Variants in FBXO42 observed in about 807,000 individuals in gnomAD.
The protein encoded by FBXO42 is F-box only protein 42.
A neutral mutation model predicts 71.7 loss-of-function variants in FBXO42; 12 were observed. The observed-to-expected ratio is 0.17, with a 90% CI of 0.11 to 0.27. FBXO42 has a LOEUF of 0.27. Among genes scored for constraint, FBXO42 ranks in the 10% least tolerant of loss-of-function variants. FBXO42 has a pLI of 1.00. For synonymous variants in FBXO42, 325 were observed against 327.5 expected (o/e 0.99, Z 0.08); for missense variants, 707 against 911.9 (o/e 0.78, Z 2.89).
chr1:16,256,050 A>G (rs1237414771), intron 5 of FBXO42, among the ~76,000 whole-genome samples: 1 of 152,192 alleles, frequency 6.6e-6, no homozygotes, highest in Non-Finnish European at 1.5e-5. Flanking sequence ...GAGATGAGAA[A>G]ACGATGACAA....
At chr1:16,263,605 C>T (rs1393840216) in intron 4 of FBXO42, among the ~76,000 whole-genome samples, 1 of 151,588 alleles carries the variant, frequency 6.6e-6, no homozygotes, top group Admixed American at 6.6e-5. Flanking sequence ...CACCTGTAAT[C>T]CCAGCTTCTT....
intron 4 of FBXO42, among the ~76,000 whole-genome samples, chr1:16,267,683 G>T (rs1028112025): frequency 6.6e-6 from 1 of 152,098 alleles, no homozygotes; most frequent in Non-Finnish European, 1.5e-5. Context: ...ATTGTAAAAA[G>T]GCCAGAAAAG....
In FBXO42 at chr1:16,294,839, T is replaced by C. The variant is rs765620567; in HGVS notation, c.446A>G (p.Asn149Ser). The C allele has an allele frequency of 4.3e-6, 7 of 1,614,136 alleles. No individual in the cohort carries two copies. Among genetic ancestry groups the C allele is most frequent in the South Asian group, 1.1e-5 (1 of 91,078 alleles). The change falls in exon 4 of 10, where the codon AAT becomes AGT. Residue 149 changes from asparagine to serine, a missense_variant. Asn to Ser is a conservative substitution (Grantham distance 46). Around this residue, in one of 5 missense-constraint regions of FBXO42, gnomAD observed 188 missense variants for 230.5 expected, o/e 0.82. Transcript: ENST00000375592. ...GTTTAGGTCAAGTCTCCAGAGGTCATTGAAAGCAGCATTGCAGCTGCTCTG... is the reference window on the plus strand; with the variant it reads ...GTTTAGGTCAAGTCTCCAGAGGTCACTGAAAGCAGCATTGCAGCTGCTCTG... ...CTQSSCNAAFNDLWRLDLNSK... is the reference protein window; with the variant it reads ...CTQSSCNAAFSDLWRLDLNSK...
At chr1:16,348,564 TG>T (rs1266901876) in intron 1 of FBXO42, among the ~76,000 whole-genome samples, 1 of 151,320 alleles carries the variant, frequency 6.6e-6, no homozygotes, top group Non-Finnish European at 1.5e-5. Context: ...TAGCCGGGCG[TG>T]GGGCGGGTGC....
chr1:16,304,051 C>T lies in FBXO42; in HGVS notation c.367+1752G>A, dbSNP rs192374184. The stretch of plus-strand genomic sequence containing the variant: ...AACTCCTGACCTCAGGTGATCCGCC[C>T]GCCTTGGCCTCCCAAAGTGCTGGGA... On this transcript the variant is annotated intron_variant, in intron 3 of 9. Coordinates refer to ENST00000375592, the MANE Select transcript of FBXO42 (RefSeq NM_018994.3). Among the ~76,000 whole-genome samples, 132 of 151,192 alleles carry T rather than the reference C, an allele frequency of 8.7e-4. 2 individuals are homozygous for T. In the South Asian group the frequency reaches 0.013, roughly 15 times the overall value.
intron 1 of FBXO42, among the ~76,000 whole-genome samples, chr1:16,351,395 T>C (rs1160855281): frequency 6.6e-6 from 1 of 152,214 alleles, no homozygotes; most frequent in African/African-American, 2.4e-5. Context: ...ACTGGTAATG[T>C]GTCAGAATCT....
intron 1 of FBXO42, among the ~76,000 whole-genome samples, chr1:16,337,261 G>A (rs1351585644): frequency 1.3e-5 from 2 of 152,094 alleles, no homozygotes; most frequent in African/African-American, 2.4e-5. Flanking sequence ...GATGATGCCA[G>A]CACTGCCAGT....
At chr1:16,294,005 C>T (rs911987908) in intron 4 of FBXO42, 7 of 152,012 alleles carry the variant, frequency 4.6e-5, no homozygotes, top group Admixed American at 1.3e-4. Flanking sequence ...AGGAACTTGC[C>T]CAATGGAAAC....
At chr1:16,343,067 T>C (rs192658747) in intron 1 of FBXO42, among the ~76,000 whole-genome samples, 1 of 152,124 alleles carries the variant, frequency 6.6e-6, no homozygotes, top group Non-Finnish European at 1.5e-5. Context: ...ATAAATTACT[T>C]AATCTCAGGT....
intron 4 of FBXO42, among the ~76,000 whole-genome samples, chr1:16,287,617 G>A (rs1049627792): frequency 6.6e-6 from 1 of 152,122 alleles, no homozygotes; most frequent in Non-Finnish European, 1.5e-5. Flanking sequence ...TGTAGAGATG[G>A]GCTCTTGCTA....
intron 1 of FBXO42, among the ~76,000 whole-genome samples, chr1:16,315,636 G>A (rs1234435506): frequency 6.6e-6 from 1 of 152,088 alleles, no homozygotes; most frequent in Non-Finnish European, 1.5e-5. Context: ...AAAGGCTTTT[G>A]ATTACATTTT....
At chr1:16,350,178 A>G (rs1195799468) in intron 1 of FBXO42, among the ~76,000 whole-genome samples, 2 of 152,166 alleles carry the variant, frequency 1.3e-5, no homozygotes, top group Non-Finnish European at 2.9e-5. Flanking sequence ...GCAAAGGTCA[A>G]AATCTGGAGA....
chr1:16,260,874 CT>C (rs1476436925), intron 4 of FBXO42, among the ~76,000 whole-genome samples: 2 of 151,586 alleles, frequency 1.3e-5, no homozygotes, highest in East Asian at 1.9e-4. Flanking sequence ...TAATTTTTTT[CT>C]TTTTTTGGGT....
Position 16,250,842 on chromosome 1 carries a change from T to C in FBXO42, c.1982A>G (p.Lys661Arg). Reference sequence around the variant, plus strand: ...AGAACTGCTATTAAATACTTTCCATTTGACCCGCCCCTTCTCCTTGGTGTC... The same window carrying C: ...AGAACTGCTATTAAATACTTTCCATCTGACCCGCCCCTTCTCCTTGGTGTC... ...IKDTKEKGRV[K>R]WKVFNSSSVV... The change falls in exon 10 of 10, where the codon AAA becomes AGA. Residue 661 changes from lysine to arginine, a missense_variant. Around this residue, in one of 5 missense-constraint regions of FBXO42, gnomAD observed 482 missense variants for 587.1 expected, o/e 0.82. Transcript: ENST00000375592. The surrounding 1 kb of genome is among the most constrained non-coding windows in gnomAD (Gnocchi z 4.7). The C allele has an allele frequency of 6.2e-7, 1 of 1,614,180 alleles. No homozygotes were observed. Among genetic ancestry groups the C allele is most frequent in the Non-Finnish European group, 8.5e-7 (1 of 1,180,042 alleles).
In FBXO42 at chr1:16,251,180, T is replaced by C; in HGVS notation, c.1644A>G (p.Ala548=). The change falls in exon 10 of 10, where the codon GCA becomes GCG. Residue 548 remains alanine, a synonymous_variant. Transcript: ENST00000375592. This position sits in a 1 kb window ranked among gnomAD's most constrained non-coding sequence, Gnocchi z 4.5. ...HTPPHVASAL[A]GAVSPGALRR... ...GCAGGGCACCTGGGGAGACGGCCCCTGCAAGGGCACTGGCCACGTGAGGTG... is the reference window on the plus strand; with the variant it reads ...GCAGGGCACCTGGGGAGACGGCCCCCGCAAGGGCACTGGCCACGTGAGGTG... 1 of 1,614,186 alleles carries C rather than the reference T, an allele frequency of 6.2e-7. No individual in the cohort carries two copies. The highest frequency in any genetic ancestry group is 8.5e-7 in the Non-Finnish European group (1 of 1,180,040).
At chr1:16,341,911 C>T (rs182632290) in intron 1 of FBXO42, among the ~76,000 whole-genome samples, 3 of 146,434 alleles carry the variant, frequency 2.0e-5, no homozygotes, top group Non-Finnish European at 3.0e-5. Context: ...GCGGAGGTCG[C>T]GATGAGCCAA....
intron 4 of FBXO42, among the ~76,000 whole-genome samples, chr1:16,275,750 T>G (rs2081893348): frequency 6.6e-6 from 1 of 152,232 alleles, no homozygotes; most frequent in Non-Finnish European, 1.5e-5. Context: ...TGCTCATGCC[T>G]GTAATCCCAG....
At chr1:16,321,709 T>TA (rs1243810518) in intron 1 of FBXO42, among the ~76,000 whole-genome samples, 270 of 144,088 alleles carry the variant, frequency 1.9e-3, no homozygotes, top group Middle Eastern at 3.5e-3. Context: ...TTTTTTTTTT[T>TA]AAAGATAGGG....
At chr1:16,289,807 G>A (rs2082059971) in intron 4 of FBXO42, among the ~76,000 whole-genome samples, 1 of 151,954 alleles carries the variant, frequency 6.6e-6, no homozygotes, top group African/African-American at 2.4e-5. Context: ...GGTGGTGCAC[G>A]TTTGTATTCG....
Sources: allele counts gnomAD v4.1 joint callset (sites outside exome capture counted in the v4.1 genomes callset), GRCh38; gene constraint gnomAD v4.1.1; regional missense constraint gnomAD v4.1.1; non-coding constraint Gnocchi (gnomAD v3.1); transcripts MANE v1.5; gene names NCBI Gene and HGNC (gene_info 2026-07-23, HGNC 2026-07-21).